Variants in GNAI3 observed in about 807,000 individuals in gnomAD.
GNAI3 encodes the protein guanine nucleotide-binding protein G(i) subunit alpha-3.
GNAI3 carries 12 observed loss-of-function variants against 41.8 expected under a neutral mutation model. That is an observed-to-expected ratio of 0.29 (90% CI 0.18 to 0.47). GNAI3 has a LOEUF of 0.47. Among genes scored for constraint, GNAI3 ranks in the 20% least tolerant of loss-of-function variants. The pLI is 1.00. For missense variants in GNAI3, 360 were observed against 429.6 expected (o/e 0.84, Z 1.43); for synonymous variants, 132 against 146.5 (o/e 0.90, Z 0.71).
chr1:109,553,945 G>C (rs1648072307), intron 1 of GNAI3, among the ~76,000 whole-genome samples: 1 of 152,182 alleles, frequency 6.6e-6, no homozygotes, highest in South Asian at 2.1e-4. Flanking sequence ...TTACAAGTGA[G>C]AACGTACGAT....
chr1:109,574,417 C>A (rs978531721), intron 3 of GNAI3, among the ~76,000 whole-genome samples: 3 of 151,750 alleles, frequency 2.0e-5, no homozygotes, highest in African/African-American at 7.3e-5. Flanking sequence ...AGATTAAAGG[C>A]CAAAATCAGT....
chr1:109,590,525 A>G, intron 7 of GNAI3, among the ~76,000 whole-genome samples: 1 of 152,030 alleles, frequency 6.6e-6, no homozygotes. Flanking sequence ...TCAAGCACCT[A>G]CAAAGCTGTT....
At chr1:109,560,204 T>C (rs544322603) in intron 1 of GNAI3, among the ~76,000 whole-genome samples, 1 of 152,340 alleles carries the variant, frequency 6.6e-6, no homozygotes, top group Non-Finnish European at 1.5e-5. Context: ...TACTAATTGC[T>C]GTTAGGGCTT....
Position 109,548,732 on chromosome 1 carries a change from G to A in GNAI3, c.12G>A (p.Thr4=), listed in dbSNP as rs754122729. 2 of 1,612,880 alleles carry A rather than the reference G, an allele frequency of 1.2e-6. No homozygotes were observed. The highest frequency in any genetic ancestry group is 1.7e-6 in the Non-Finnish European group (2 of 1,179,130). The change falls in exon 1 of 9, where the codon ACG becomes ACA. Residue 4 remains threonine, a synonymous_variant. Transcript: ENST00000369851. The part of the protein sequence containing the change: MGC[T]LSAEDKAAVE... ...CTCCCGCCGCCGCCATGGGCTGCACGTTGAGCGCCGAAGACAAGGCGGCAG... is the reference window on the plus strand; with the variant it reads ...CTCCCGCCGCCGCCATGGGCTGCACATTGAGCGCCGAAGACAAGGCGGCAG...
chr1:109,580,601 C>G (rs1255746524), intron 4 of GNAI3, among the ~76,000 whole-genome samples: 5 of 152,124 alleles, frequency 3.3e-5, no homozygotes, highest in Non-Finnish European at 7.4e-5. Flanking sequence ...TACTACACAC[C>G]TAAGCTATAT....
At chr1:109,563,926 A>G (rs919929324) in intron 1 of GNAI3, among the ~76,000 whole-genome samples, 2 of 152,212 alleles carry the variant, frequency 1.3e-5, no homozygotes, top group African/African-American at 4.8e-5. Flanking sequence ...CACATATGCT[A>G]TAAGTATTCC....
intron 4 of GNAI3, among the ~76,000 whole-genome samples, chr1:109,580,925 C>G (rs1215443804): frequency 6.6e-6 from 1 of 152,162 alleles, no homozygotes; most frequent in Non-Finnish European, 1.5e-5. Context: ...GGATTCTTGC[C>G]TACCTTTTAA....
chr1:109,550,095 G>A (rs917824689), intron 1 of GNAI3, among the ~76,000 whole-genome samples: 5 of 152,098 alleles, frequency 3.3e-5, no homozygotes, highest in Non-Finnish European at 7.4e-5. Flanking sequence ...TAAAACAATT[G>A]ATTTTTGAGG....
At position 109,554,548 on chromosome 1, in the gene GNAI3, C is replaced by G. The variant is rs550839624; in HGVS notation, c.118+5710C>G. Among the ~76,000 whole-genome samples the G allele has an allele frequency of 5.9e-5, 9 of 152,100 alleles. No homozygotes were observed. The East Asian group carries it at 1.5e-3, about 26-fold the overall frequency. ...AGAATTGTCTATTCAAGTCCTTAGC[C>G]CACTTTTTGATGGGATTGTTTTTTT... is the stretch of plus-strand genomic sequence containing the variant. On this transcript the variant is annotated intron_variant, in intron 1 of 8. Coordinates refer to ENST00000369851, the MANE Select transcript of GNAI3 (RefSeq NM_006496.4).
In GNAI3 at chr1:109,586,861, A is replaced by C. The variant is rs1331410451; in HGVS notation, c.853A>C (p.Ile285Leu). Residue 285 changes from isoleucine (I) to leucine (L), a missense_variant, in exon 7 of 9, where the codon ATC becomes CTC. Physicochemically the swap from Ile to Leu is conservative, Grantham distance 5. Coordinates refer to ENST00000369851, the MANE Select transcript of GNAI3 (RefSeq NM_006496.4). ...EEKIKRSPLT[I>L]CYPEYTGSNT... ...AAAAATAAAGAGGAGTCCGTTAACTATCTGTTATCCAGAATACACAGGTAA... is the reference window on the plus strand; with the variant it reads ...AAAAATAAAGAGGAGTCCGTTAACTCTCTGTTATCCAGAATACACAGGTAA... 1.9e-6 allele frequency: 3 copies of C among 1,602,044 alleles called. No individual in the cohort carries two copies.
chr1:109,581,704 A>C (rs1246328138), intron 4 of GNAI3, among the ~76,000 whole-genome samples: 1 of 152,126 alleles, frequency 6.6e-6, no homozygotes, highest in African/African-American at 2.4e-5. Context: ...CCTGGCCAAC[A>C]TGGTGAAACC....
At position 109,557,452 on chromosome 1, in the gene GNAI3, C is replaced by G. The variant is rs1648187239; in HGVS notation, c.118+8614C>G. Among the ~76,000 whole-genome samples, 3 of 151,792 alleles carry G rather than the reference C, an allele frequency of 2.0e-5. No homozygotes were observed. The South Asian group carries it at 6.3e-4, about 32-fold the overall frequency. On this transcript the variant is annotated intron_variant, in intron 1 of 8. Transcript: ENST00000369851. ...TAATAGAATGCTAAAGTGTTTTTGC[C>G]CATAAGGAATAGGAACACCACTCAT...
chr1:109,592,257 T>C lies in GNAI3; in HGVS notation c.*22+2T>C. ...GAGAAGCATGGATGTTAGTGAAAGGTAAAGTTTCATACAAGGTAGTTATAG... is the reference window on the plus strand; with the variant it reads ...GAGAAGCATGGATGTTAGTGAAAGGCAAAGTTTCATACAAGGTAGTTATAG... On this transcript the variant is annotated splice_donor_variant, in intron 8 of 8. Transcript: ENST00000369851. LOFTEE classifies it low-confidence loss of function (3UTR_SPLICE). 6.7e-7 allele frequency: 1 copy of C among 1,484,790 alleles called. No individual in the cohort carries two copies. Among genetic ancestry groups the C allele is most frequent in the Middle Eastern group, 1.7e-4 (1 of 5,790 alleles). The allele number at this position is 1,484,790 out of a possible 1,614,324, so 92.0% of individuals were successfully genotyped here.
chr1:109,577,796 A>G (rs1648788895), intron 3 of GNAI3, among the ~76,000 whole-genome samples: 2 of 152,198 alleles, frequency 1.3e-5, no homozygotes, highest in Non-Finnish European at 2.9e-5. Flanking sequence ...TTGTTTTGCT[A>G]AGGTGGATGC....
In GNAI3 at chr1:109,586,307, A is replaced by C; in HGVS notation, c.682A>C (p.Ser228Arg). The C allele has an allele frequency of 6.2e-7, 1 of 1,613,616 alleles. No individual in the cohort carries two copies. The highest frequency in any genetic ancestry group is 1.1e-5 in the South Asian group (1 of 91,048). Reference protein sequence around the residue: ...VTAIIFCVALSDYDLVLAEDE... With the variant: ...VTAIIFCVALRDYDLVLAEDE... Reference sequence around the variant, plus strand: ...AGCAATTATCTTCTGTGTGGCCCTCAGTGATTATGACCTTGTTCTGGCTGA... The same window carrying C: ...AGCAATTATCTTCTGTGTGGCCCTCCGTGATTATGACCTTGTTCTGGCTGA... Residue 228 changes from serine (S) to arginine (R), a missense_variant, in exon 6 of 9, where the codon AGT (serine) becomes CGT (arginine). Physicochemically the swap from Ser to Arg is moderately radical, Grantham distance 110. Transcript: ENST00000369851.
At chr1:109,586,157 A>G in intron 5 of GNAI3, 59 bp from the exon 6 acceptor site, 1 of 1,469,162 alleles carries the variant, frequency 6.8e-7, no homozygotes, top group Admixed American at 2.1e-5. Flanking sequence ...TAATCATTTC[A>G]GTTTAGGGGA....
At chr1:109,555,570 G>C (rs1648116809) in intron 1 of GNAI3, among the ~76,000 whole-genome samples, 1 of 151,998 alleles carries the variant, frequency 6.6e-6, no homozygotes, top group African/African-American at 2.4e-5. Flanking sequence ...CGCTATTCCT[G>C]TAGTACACTG....
intron 1 of GNAI3, among the ~76,000 whole-genome samples, chr1:109,555,388 C>T (rs560892767): frequency 6.6e-6 from 1 of 152,260 alleles, no homozygotes; most frequent in South Asian, 2.1e-4. Context: ...AAATAACTTC[C>T]AGTCAACTAA....
intron 3 of GNAI3, among the ~76,000 whole-genome samples, chr1:109,577,023 T>A (rs964273582): frequency 5.9e-5 from 9 of 151,726 alleles, no homozygotes; most frequent in African/African-American, 2.2e-4. Context: ...CTGTTTTTTT[T>A]TTTTTTTAAA....
Sources: gnomAD v4.1 joint callset for allele counts (sites outside exome capture counted in the v4.1 genomes callset) on GRCh38, gnomAD v4.1.1 for gene constraint, MANE v1.5 for transcripts, NCBI Gene and HGNC (gene_info 2026-07-23, HGNC 2026-07-21) for gene names.